Variants in OSBPL10 observed in about 807,000 individuals in gnomAD.
OSBPL10 encodes oxysterol binding protein like 10, also known as oxysterol-binding protein-related protein 10.
OSBPL10 carries 49 observed loss-of-function variants against 81.7 expected under a neutral mutation model. The observed-to-expected ratio is 0.60, with a 90% CI of 0.48 to 0.76. The LOEUF (loss-of-function observed/expected upper bound fraction) is 0.76. Among genes scored for constraint, OSBPL10 ranks in the 30% least tolerant of loss-of-function variants. The pLI is 0.00. For missense variants in OSBPL10, 923 were observed against 987.8 expected (o/e 0.93, Z 0.88); for synonymous variants, 419 against 383.6 (o/e 1.09, Z -1.08).
At chr3:31,850,266 T>G (rs751267541) in intron 3 of OSBPL10, among the ~76,000 whole-genome samples, 34 of 151,790 alleles carry the variant, frequency 2.2e-4, no homozygotes, top group Non-Finnish European at 3.8e-4. Context: ...CCCAGGAGTT[T>G]GAGGCTGCAG....
chr3:31,861,239 G>GCA, intron 3 of OSBPL10, among the ~76,000 whole-genome samples: 1 of 152,114 alleles, frequency 6.6e-6, no homozygotes, highest in East Asian at 1.9e-4. Flanking sequence ...TGGTGTCCAT[G>GCA]GGGGATTAGT....
intron 4 of OSBPL10, among the ~76,000 whole-genome samples, chr3:31,814,129 A>G (rs954310297): frequency 3.3e-5 from 5 of 152,156 alleles, no homozygotes; most frequent in African/African-American, 9.7e-5. Flanking sequence ...CCTGTGCCTG[A>G]CAAGCTCCAA....
intron 4 of OSBPL10, among the ~76,000 whole-genome samples, chr3:31,792,858 C>CTG (rs1491358894): frequency 4.8e-4 from 41 of 85,950 alleles, no homozygotes; most frequent in East Asian, 1.1e-3. Context: ...TATCTAGGCA[C>CTG]TCTGTGTGTG....
intron 3 of OSBPL10, among the ~76,000 whole-genome samples, chr3:31,862,386 A>C (rs911419818): frequency 6.6e-6 from 1 of 152,162 alleles, no homozygotes; most frequent in African/African-American, 2.4e-5. Flanking sequence ...TACCAAAATA[A>C]ACATATCCTG....
intron 3 of OSBPL10, among the ~76,000 whole-genome samples, chr3:31,837,088 CCCTTCAGCTGGG>C (rs1553632038): frequency 3.9e-5 from 6 of 151,940 alleles, no homozygotes; most frequent in Non-Finnish European, 1.5e-5. Flanking sequence ...GAGATTCAGC[CCCTTCAGCTGGG>C]CCTTCACAAT....
At chr3:32,037,067 T>C (rs1221644688) in intron 2 of OSBPL10, among the ~76,000 whole-genome samples, 1 of 152,186 alleles carries the variant, frequency 6.6e-6, no homozygotes, top group Non-Finnish European at 1.5e-5. Flanking sequence ...GGACTTGATG[T>C]ATCCACTGCC....
In OSBPL10 at chr3:32,058,769, A is replaced by G. The variant is rs115891814; in HGVS notation, n.186-12166T>C. ...TGCAGCCTTGACCTGGGCTCAAGTC[A>G]TCTTCCTGCCTTAGCCTCCCAGTGG... On this transcript the variant is annotated intron_variant and non_coding_transcript_variant, in intron 1 of 3. Transcript: ENST00000479173. 3.9e-3 allele frequency among the ~76,000 whole-genome samples: 596 copies of G among 152,314 alleles called. 5 individuals carry two copies. Among genetic ancestry groups the G allele is most frequent in the Middle Eastern group, 0.01 (3 of 294 alleles).
At chr3:31,672,966 C>T (rs959309728) in intron 8 of OSBPL10, among the ~76,000 whole-genome samples, 8 of 152,138 alleles carry the variant, frequency 5.3e-5, no homozygotes, top group African/African-American at 1.9e-4. Flanking sequence ...CAGCATAAGT[C>T]CACTACACCA....
intron 6 of OSBPL10, among the ~76,000 whole-genome samples, chr3:31,710,403 C>T (rs1043251271): frequency 1.3e-5 from 2 of 152,150 alleles, no homozygotes; most frequent in Non-Finnish European, 1.5e-5. Context: ...ACTTGTGCTG[C>T]TCCCCTTCTC....
intron 1 of OSBPL10, among the ~76,000 whole-genome samples, chr3:31,941,170 G>C (rs748993753): frequency 9.9e-5 from 15 of 152,072 alleles, no homozygotes; most frequent in Non-Finnish European, 2.1e-4. Flanking sequence ...AAATAACTTT[G>C]AAAGAATAAA....
At chr3:31,707,951 T>G (rs1022741434) in intron 6 of OSBPL10, among the ~76,000 whole-genome samples, 1 of 151,720 alleles carries the variant, frequency 6.6e-6, no homozygotes, top group African/African-American at 2.4e-5. Context: ...CTGGAGAGAT[T>G]GGAAGAGTAG....
intron 1 of OSBPL10, among the ~76,000 whole-genome samples, chr3:31,934,210 C>G (rs1697324602): frequency 6.6e-6 from 1 of 151,300 alleles, no homozygotes; most frequent in African/African-American, 2.4e-5. Context: ...TGATGCCTGT[C>G]TGTGGTAACA....
At chr3:31,780,154 G>T (rs959934987) in intron 4 of OSBPL10, among the ~76,000 whole-genome samples, 1 of 152,114 alleles carries the variant, frequency 6.6e-6, no homozygotes, top group Non-Finnish European at 1.5e-5. Flanking sequence ...TTAGCCGGGT[G>T]TGGTGGCAGG....
At chr3:31,751,375 C>CAAATAAAATA (rs146565470) in intron 4 of OSBPL10, among the ~76,000 whole-genome samples, 67 of 150,860 alleles carry the variant, frequency 4.4e-4, no homozygotes, top group African/African-American at 1.3e-3. Context: ...AACAAACAAA[C>CAAATAAAATA]AAATAAAATA....
intron 4 of OSBPL10, among the ~76,000 whole-genome samples, chr3:31,755,711 G>A (rs1697868973): frequency 6.6e-6 from 1 of 152,216 alleles, no homozygotes; most frequent in South Asian, 2.1e-4. Context: ...CAAAGACCCA[G>A]AACATCCAAA....
intron 1 of OSBPL10, among the ~76,000 whole-genome samples, chr3:31,932,471 CAATTT>C (rs750201026): frequency 3.9e-5 from 6 of 152,178 alleles, no homozygotes; most frequent in Admixed American, 2.0e-4. Context: ...AGAAGATATA[CAATTT>C]ATTTCATTGG....
At chr3:31,697,728 C>T (rs534180802) in intron 7 of OSBPL10, among the ~76,000 whole-genome samples, 1 of 152,210 alleles carries the variant, frequency 6.6e-6, no homozygotes, top group African/African-American at 2.4e-5. Context: ...TAGCACTGTG[C>T]CACCAGCACC....
In OSBPL10 at chr3:31,771,573, T is replaced by G. The variant is rs569270767; in HGVS notation, c.730-23453A>C. ...CCTCCACAAACAAGTTTTATTGGGG[T>G]ATAAAGGAACTCCCCAAACCTCCAT... On this transcript the variant is annotated intron_variant, in intron 4 of 11. Transcript: ENST00000396556. Among the ~76,000 whole-genome samples, 106 of 151,158 alleles carry G rather than the reference T, an allele frequency of 7.0e-4. 1 individual carries two copies. Among genetic ancestry groups the G allele is most frequent in the African/African-American group, 2.5e-3 (101 of 41,182 alleles).
At chr3:31,881,899 G>A (rs911173339) in intron 1 of OSBPL10, among the ~76,000 whole-genome samples, 2 of 152,156 alleles carry the variant, frequency 1.3e-5, no homozygotes, top group Non-Finnish European at 2.9e-5. Flanking sequence ...AGACTTGAAG[G>A]AATTTAAAAT....
Sources: allele counts gnomAD v4.1 joint callset (sites outside exome capture counted in the v4.1 genomes callset), GRCh38; gene constraint gnomAD v4.1.1; transcripts MANE v1.5; gene names NCBI Gene and HGNC (gene_info 2026-07-23, HGNC 2026-07-21).